The following CCDC34 variants were observed in gnomAD, a reference collection of about 807,000 sequenced individuals.
CCDC34 encodes the protein coiled-coil domain containing 34, also known as coiled-coil domain-containing protein 34.
In CCDC34, 40 loss-of-function variants were observed where a neutral mutation model predicts 44.1. That is an observed-to-expected ratio of 0.91 (90% CI 0.70 to 1.18). The LOEUF (loss-of-function observed/expected upper bound fraction) is 1.18, where lower values mean the gene tolerates loss of function less well. Among genes scored for constraint, CCDC34 ranks in the 50% most tolerant of loss-of-function variants. The pLI is 0.00. For synonymous variants in CCDC34, 159 were observed against 158.2 expected, an observed-to-expected ratio of 1.01 and a Z score of -0.04; for missense variants, 466 against 452.3, an observed-to-expected ratio of 1.03 and a Z score of -0.28.
chr11:27,346,488 AAGGAAG>A, intron 3 of CCDC34, among the ~76,000 whole-genome samples: 1 of 149,772 alleles, frequency 6.7e-6, no homozygotes, highest in East Asian at 2.0e-4. Context: ...GGAAGGAAGG[AAGGAAG>A]GAAGGAAGGA....
intron 2 of CCDC34, among the ~76,000 whole-genome samples, chr11:27,353,608 G>C (rs1038136838): frequency 2.0e-5 from 3 of 152,044 alleles, no homozygotes; most frequent in Admixed American, 1.3e-4. Context: ...TTGTAAGTGG[G>C]TAATTTTTAT....
chr11:27,356,379 CAG>C (rs1314529966), intron 2 of CCDC34, among the ~76,000 whole-genome samples: 2 of 151,808 alleles, frequency 1.3e-5, no homozygotes, highest in Non-Finnish European at 2.9e-5. Context: ...AAGAGTGAAA[CAG>C]ATAACTATAT....
intron 3 of CCDC34, among the ~76,000 whole-genome samples, chr11:27,348,608 T>TA (rs1292653825): frequency 6.6e-6 from 1 of 152,058 alleles, no homozygotes; most frequent in Non-Finnish European, 1.5e-5. Flanking sequence ...GAATATGACT[T>TA]AGAGAAAATA....
chr11:27,347,922 G>C (rs1292663471), intron 3 of CCDC34, among the ~76,000 whole-genome samples: 1 of 151,978 alleles, frequency 6.6e-6, no homozygotes, highest in Non-Finnish European at 1.5e-5. Flanking sequence ...AAATCAGACA[G>C]ACTTCTGTAG....
chr11:27,344,377 T>TAAACACATGCATGCTGCATGTTAC lies in CCDC34; in HGVS notation c.607-2851_607-2828dup, dbSNP rs1565058051. 5.3e-5 allele frequency among the ~76,000 whole-genome samples: 8 copies of TAAACACATGCATGCTGCATGTTAC among 149,710 alleles called. No homozygotes were observed. In the East Asian group the frequency reaches 1.4e-3, roughly 25 times the overall value. On this transcript the variant is annotated intron_variant, in intron 3 of 5. Coordinates refer to ENST00000328697, the MANE Select transcript of CCDC34 (RefSeq NM_030771.2). ...ATAAACACATGCATGCTGCATGTTA[T>TAAACACATGCATGCTGCATGTTAC]AAACACATGCATGCTGCATGTTACA...
intron 3 of CCDC34, among the ~76,000 whole-genome samples, chr11:27,342,396 TAC>T (rs1181076838): frequency 5.3e-5 from 8 of 149,578 alleles, no homozygotes; most frequent in Non-Finnish European, 1.0e-4. Flanking sequence ...TTTTTATATA[TAC>T]ACACACACAT....
chr11:27,343,316 T>A (rs1338637241), intron 3 of CCDC34, among the ~76,000 whole-genome samples: 1 of 151,364 alleles, frequency 6.6e-6, no homozygotes, highest in Non-Finnish European at 1.5e-5. Flanking sequence ...GCAGGAGAAT[T>A]GCTTGAACCC....
intron 3 of CCDC34, among the ~76,000 whole-genome samples, chr11:27,348,694 G>A (rs532472426): frequency 2.0e-5 from 3 of 151,462 alleles, no homozygotes; most frequent in Admixed American, 2.0e-4. Context: ...TGTAAACAGA[G>A]GAGAAAAAAG....
At chr11:27,343,412 A>G (rs1381466179) in intron 3 of CCDC34, among the ~76,000 whole-genome samples, 2 of 151,990 alleles carry the variant, frequency 1.3e-5, no homozygotes, top group South Asian at 2.1e-4. Context: ...AAAAAAAAAA[A>G]AAAAAATCAA....
At chr11:27,360,522 C>T (rs1301000954) in intron 1 of CCDC34, among the ~76,000 whole-genome samples, 2 of 152,218 alleles carry the variant, frequency 1.3e-5, no homozygotes, top group Non-Finnish European at 2.9e-5. Context: ...AAATCCCACA[C>T]AGCTCTAGGT....
chr11:27,354,670 A>G (rs1284220999), intron 2 of CCDC34, among the ~76,000 whole-genome samples: 1 of 151,022 alleles, frequency 6.6e-6, no homozygotes, highest in Non-Finnish European at 1.5e-5. Flanking sequence ...CCTGGGCAAC[A>G]TGGCAACCCC....
At chr11:27,352,294 A>G (rs1428377468) in intron 2 of CCDC34, among the ~76,000 whole-genome samples, 1 of 151,768 alleles carries the variant, frequency 6.6e-6, no homozygotes, top group Non-Finnish European at 1.5e-5. Context: ...GAGGCCGGAG[A>G]CTCGCCTGAA....
chr11:27,362,313 T>TCTAAAA (rs1862676827), intron 1 of CCDC34, among the ~76,000 whole-genome samples: 3 of 152,224 alleles, frequency 2.0e-5, no homozygotes, highest in Admixed American at 2.0e-4. Context: ...TCAGATCCTC[T>TCTAAAA]CTAACCACGT....
intron 3 of CCDC34, among the ~76,000 whole-genome samples, chr11:27,347,886 A>AAATTTATTGTAT (rs1312841548): frequency 2.6e-5 from 4 of 152,228 alleles, no homozygotes; most frequent in African/African-American, 9.6e-5. Context: ...TGCAAACTAC[A>AAATTTATTGTAT]GCTCAATAGA....
intron 2 of CCDC34, among the ~76,000 whole-genome samples, chr11:27,352,750 G>A (rs1862520327): frequency 6.6e-6 from 1 of 152,070 alleles, no homozygotes; most frequent in Non-Finnish European, 1.5e-5. Flanking sequence ...CTATTTGATG[G>A]CTAACAAATT....
At chr11:27,356,081 T>C (rs998907115) in intron 2 of CCDC34, among the ~76,000 whole-genome samples, 13 of 142,208 alleles carry the variant, frequency 9.1e-5, no homozygotes, top group African/African-American at 3.1e-4. Context: ...TACAATGGTG[T>C]GATCTCAGCT....
Position 27,363,202 on chromosome 11 carries a change from G to T in CCDC34, c.-8C>A, listed in dbSNP as rs569119631. 6.8e-7 allele frequency: 1 copy of T among 1,461,336 alleles called. No homozygotes were observed. Among genetic ancestry groups the T allele is most frequent in the South Asian group, 1.4e-5 (1 of 69,404 alleles). The allele number at this position is 1,461,336 out of a possible 1,614,324, so 90.5% of individuals were successfully genotyped here. A position where few individuals can be genotyped will look rare whatever the true frequency, so the allele number is the denominator to read the frequency against. ...GCGCCCCGCCGCCCACATCTGGCCC[G>T]CCAAGTTCAAACTGGCGGAGCCGCG... On this transcript the variant is annotated 5_prime_UTR_variant, in exon 1 of 6. Coordinates refer to ENST00000328697, the MANE Select transcript of CCDC34 (RefSeq NM_030771.2).
chr11:27,352,269 G>A (rs1035999954), intron 2 of CCDC34, among the ~76,000 whole-genome samples: 3 of 151,950 alleles, frequency 2.0e-5, no homozygotes, highest in Non-Finnish European at 4.4e-5. Flanking sequence ...TGTAATTCCA[G>A]CTACTGGGGA....
At chr11:27,340,905 T>G in intron 4 of CCDC34, 68 bp from the exon 5 acceptor site, 1 of 1,499,708 alleles carries the variant, frequency 6.7e-7, no homozygotes, top group Non-Finnish European at 9.0e-7. Context: ...CAAATTCTAC[T>G]GATTTTTTTT....
Sources: gnomAD v4.1 joint callset for allele counts (sites outside exome capture counted in the v4.1 genomes callset) on GRCh38, gnomAD v4.1.1 for gene constraint, MANE v1.5 for transcripts, NCBI Gene and HGNC (gene_info 2026-07-23, HGNC 2026-07-21) for gene names.